The following PPP1R12C variants were observed in gnomAD, a reference collection of about 807,000 sequenced individuals.
The protein encoded by PPP1R12C is protein phosphatase 1 regulatory subunit 12C, also known as leukocyte receptor cluster (LRC) encoded novel gene 3.
A neutral mutation model predicts 95.6 loss-of-function variants in PPP1R12C; 48 were observed. The observed-to-expected ratio is 0.50, with a 90% CI of 0.40 to 0.64. The LOEUF is 0.64. Among genes scored for constraint, PPP1R12C ranks in the 30% least tolerant of loss-of-function variants. PPP1R12C has a pLI of 0.00. For missense variants in PPP1R12C, 1,057 were observed against 1,083.3 expected (o/e 0.98, Z 0.34); for synonymous variants, 480 against 460.8 (o/e 1.04, Z -0.53).
chr19:55,102,807 C>T (rs756213536), intron 4 of PPP1R12C, among the ~76,000 whole-genome samples: 22 of 152,242 alleles, frequency 1.4e-4, no homozygotes, highest in Admixed American at 8.5e-4. Flanking sequence ...TAAGGTAAAA[C>T]GATACATTTC....
chr19:55,097,035 CG>C (rs1373446601), intron 6 of PPP1R12C: 27 of 267,422 alleles, frequency 1.0e-4, no homozygotes, highest in Middle Eastern at 1.3e-3. Context: ...GCCCCTTCTC[CG>C]CGCAGTTCAC....
chr19:55,117,520 C>T lies in PPP1R12C; in HGVS notation c.24G>A (p.Ala8=). 44 of 1,026,698 alleles carry T rather than the reference C, an allele frequency of 4.3e-5. No homozygotes were observed. Among genetic ancestry groups the T allele is most frequent in the Non-Finnish European group, 4.9e-5 (42 of 857,114 alleles). The allele number at this position is 1,026,698 out of a possible 1,614,324, so 63.6% of individuals were successfully genotyped here. A position where few individuals can be genotyped will look rare whatever the true frequency, so the allele number is the denominator to read the frequency against. ...CCGCCGCCGCCGCCCCCGGGCCAGC[C>T]GCCGGGCCATCCTCTCCGGACATCG... The part of the protein sequence containing the change: MSGEDGP[A]AGPGAAAAAA... The change falls in exon 1 of 22, where the codon GCG becomes GCA. Residue 8 remains alanine (A), a synonymous_variant. Transcript: ENST00000263433.
At position 55,092,844 on chromosome 19, in the gene PPP1R12C, G is replaced by C; in HGVS notation, c.1850C>G (p.Pro617Arg). 1 of 1,575,028 alleles carries C rather than the reference G, an allele frequency of 6.3e-7. No homozygotes were observed. The highest frequency in any genetic ancestry group is 8.6e-7 in the Non-Finnish European group (1 of 1,160,968). Reference sequence around the variant, plus strand: ...GTGCTCCCTGGCCGCCTGCGGTCCCGGACCCTGCCCGTCGGGCGCCTCTGC... The same window carrying C: ...GTGCTCCCTGGCCGCCTGCGGTCCCCGACCCTGCCCGTCGGGCGCCTCTGC... ...QRAEAPDGQG[P>R]GPQAAREHRK... The change falls in exon 16 of 22, where the codon CCG becomes CGG. Residue 617 changes from proline (P) to arginine (R), a missense_variant. Coordinates refer to ENST00000263433, the MANE Select transcript of PPP1R12C (RefSeq NM_017607.4).
At position 55,093,193 on chromosome 19, in the gene PPP1R12C, G is replaced by A. The variant is rs781643455; in HGVS notation, c.1724C>T (p.Ala575Val). 10 of 1,613,652 alleles carry A rather than the reference G, an allele frequency of 6.2e-6. No individual in the cohort carries two copies. The South Asian group carries it at 9.9e-5, about 16-fold the overall frequency. The change falls in exon 14 of 22, where the codon GCA (alanine) becomes GTA (valine). Residue 575 changes from alanine (A) to valine (V), a missense_variant. By Grantham distance (64) the Ala-to-Val change is moderately conservative. Coordinates refer to ENST00000263433, the MANE Select transcript of PPP1R12C (RefSeq NM_017607.4). ...LTDLKEAEKA[A>V]GKAPESEKPA... ...CTTCTCTGACTCTGGGGCCTTCCCT[G>A]CAGCCTTCTCTGCCTCCTTCAGGTC... is the stretch of plus-strand genomic sequence containing the variant.
intron 6 of PPP1R12C, among the ~76,000 whole-genome samples, chr19:55,096,670 G>A (rs557947071): frequency 6.6e-6 from 1 of 152,014 alleles, no homozygotes; most frequent in Non-Finnish European, 1.5e-5. Context: ...CAGGGCACTG[G>A]TGGGCCCTCA....
chr19:55,114,130 C>T lies in PPP1R12C; in HGVS notation c.322-1335G>A, dbSNP rs536181936. On this transcript the variant is annotated intron_variant, in intron 1 of 21. Transcript: ENST00000263433. ...GTCCAGGCCCCAGCCCCTCCTCCCT[C>T]GGACCCAGGAGTCCAGGCCCCCAGT... 1.6e-3 allele frequency: 242 copies of T among 154,472 alleles called. 1 individual carries two copies. The highest frequency in any genetic ancestry group is 9.7e-4 in the Non-Finnish European group (69 of 70,814). 9.6% of individuals were successfully genotyped at this position (154,472 alleles called of 1,614,324 possible). A position where few individuals can be genotyped will look rare whatever the true frequency, so the allele number is the denominator to read the frequency against.
At chr19:55,100,032 C>T (rs2084963890) in intron 4 of PPP1R12C, among the ~76,000 whole-genome samples, 1 of 152,196 alleles carries the variant, frequency 6.6e-6, no homozygotes, top group South Asian at 2.1e-4. Flanking sequence ...TTGCCCGGAG[C>T]TCACCCTGCC....
At chr19:55,099,395 C>T (rs1308000550) in intron 4 of PPP1R12C, among the ~76,000 whole-genome samples, 2 of 152,284 alleles carry the variant, frequency 1.3e-5, no homozygotes, top group African/African-American at 2.4e-5. Flanking sequence ...GTGGCAGCAG[C>T]GGGGTGTAAG....
At chr19:55,117,125 G>T in intron 1 of PPP1R12C, 98 bp downstream of exon 1, 1 of 1,040,168 alleles carries the variant, frequency 9.6e-7, no homozygotes, top group Non-Finnish European at 1.2e-6. Flanking sequence ...CAGGAACGAC[G>T]GGGCGGATCG....
Position 55,112,570 on chromosome 19 carries a change from G to A in PPP1R12C, c.468C>T (p.His156=), listed in dbSNP as rs537380923. 26 of 1,613,186 alleles carry A rather than the reference G, an allele frequency of 1.6e-5. No homozygotes were observed. Among genetic ancestry groups the A allele is most frequent in the Admixed American group, 1.3e-4 (8 of 60,002 alleles). The change falls in exon 3 of 22, where the codon CAC becomes CAT. Residue 156 remains histidine (H), a synonymous_variant. Coordinates refer to ENST00000263433, the MANE Select transcript of PPP1R12C (RefSeq NM_017607.4). ...YLDIARYLLS[H]GANIAAVNSD... is the part of the protein sequence containing the mutation. Reference sequence around the variant, plus strand: ...TGTTGACGGCGGCGATGTTGGCCCCGTGGCTCAGGAGGTACCTGGGGGTGG... The same window carrying A: ...TGTTGACGGCGGCGATGTTGGCCCCATGGCTCAGGAGGTACCTGGGGGTGG...
intron 1 of PPP1R12C, 99 bp from the exon 2 acceptor site, chr19:55,112,894 C>T (rs1603007841): frequency 7.9e-6 from 12 of 1,513,458 alleles, no homozygotes; most frequent in African/African-American, 4.1e-5. Context: ...TCCAGGGACA[C>T]GGTGCTAGGA....
At chr19:55,106,961 T>G (rs1372307240) in intron 3 of PPP1R12C, among the ~76,000 whole-genome samples, 1 of 152,170 alleles carries the variant, frequency 6.6e-6, no homozygotes, top group African/African-American at 2.4e-5. Context: ...GTAGGACCCA[T>G]GCTGAGTGCC....
At position 55,091,986 on chromosome 19, in the gene PPP1R12C, G is replaced by T. The variant is rs896290515; in HGVS notation, c.2161-77C>A. The T allele has an allele frequency of 8.4e-6, 13 of 1,547,500 alleles. No individual in the cohort carries two copies. In the African/African-American group the frequency reaches 1.5e-4, roughly 18 times the overall value. On this transcript the variant is annotated intron_variant, in intron 19 of 21. Coordinates refer to ENST00000263433, the MANE Select transcript of PPP1R12C (RefSeq NM_017607.4). ...CTGAAGGGTCCTAGGCTCCTGCTGGGCACCCGCCCGCCCACTAGGCAGCCC... is the reference window on the plus strand; with the variant it reads ...CTGAAGGGTCCTAGGCTCCTGCTGGTCACCCGCCCGCCCACTAGGCAGCCC...
In PPP1R12C at chr19:55,094,419, C is replaced by T. The variant is rs754442993; in HGVS notation, c.1609G>A (p.Val537Met). The change falls in exon 13 of 22, where the codon GTG becomes ATG. Residue 537 changes from valine to methionine, a missense_variant. Coordinates refer to ENST00000263433, the MANE Select transcript of PPP1R12C (RefSeq NM_017607.4). The stretch of plus-strand genomic sequence containing the variant: ...TGGGATTCCGACTCCTCATCCCGCA[C>T]AGGCATCTGGTAGGACCTGAGGGAA... The part of the protein sequence containing the change: ...RDRRRSYQMP[V>M]RDEESESQRK... The T allele has an allele frequency of 1.9e-6, 3 of 1,613,814 alleles. No individual in the cohort carries two copies. The highest frequency in any genetic ancestry group is 1.7e-6 in the Non-Finnish European group (2 of 1,180,028).
intron 3 of PPP1R12C, 139 bp downstream of exon 3, chr19:55,112,328 G>C (rs1037507832): frequency 3.4e-5 from 25 of 743,974 alleles, no homozygotes; most frequent in Non-Finnish European, 4.9e-5. Context: ...TTTCACAGGT[G>C]AGGAAACTGA....
In PPP1R12C at chr19:55,109,571, C is replaced by T. The variant is rs2085073530; in HGVS notation, c.571+2896G>A. On this transcript the variant is annotated intron_variant, in intron 3 of 21. Coordinates refer to ENST00000263433, the MANE Select transcript of PPP1R12C (RefSeq NM_017607.4). The surrounding 1 kb of genome is among the most constrained non-coding windows in gnomAD (Gnocchi z 4.4). Reference sequence around the variant, plus strand: ...AGCAGATCACGTGCTCTCACTGAACCCCAGACCCAGAGAGAGGAAAACAGC... The same window carrying T: ...AGCAGATCACGTGCTCTCACTGAACTCCAGACCCAGAGAGAGGAAAACAGC... Among the ~76,000 whole-genome samples the T allele has an allele frequency of 6.6e-6, 1 of 152,236 alleles. No individual in the cohort carries two copies. The highest frequency in any genetic ancestry group is 1.5e-5 in the Non-Finnish European group (1 of 68,044).
At chr19:55,108,976 G>C (rs1037154033) in intron 3 of PPP1R12C, among the ~76,000 whole-genome samples, 2 of 152,210 alleles carry the variant, frequency 1.3e-5, no homozygotes, top group African/African-American at 4.8e-5. Flanking sequence ...TAAGTGCTGG[G>C]ATGAAGACTG....
chr19:55,095,087 TG>T (rs1568806637), intron 11 of PPP1R12C: 5 of 696,094 alleles, frequency 7.2e-6, no homozygotes, highest in Non-Finnish European at 9.6e-6. Flanking sequence ...CACCTCGGGG[TG>T]GGGGGAAGAT....
At chr19:55,092,917 G>A in intron 15 of PPP1R12C, 49 bp from the exon 16 acceptor site, 6 of 1,593,636 alleles carry the variant, frequency 3.8e-6, no homozygotes, top group Non-Finnish European at 5.1e-6. Flanking sequence ...GCCCCCTCTC[G>A]GTGCCTGGGT....
Sources: gnomAD v4.1 joint callset for allele counts (sites outside exome capture counted in the v4.1 genomes callset) on GRCh38, gnomAD v4.1.1 for gene constraint, Gnocchi (gnomAD v3.1) non-coding constraint, MANE v1.5 for transcripts, NCBI Gene and HGNC (gene_info 2026-07-23, HGNC 2026-07-21) for gene names.